RAPGEF6: variants seen among roughly 807,000 people sequenced by gnomAD.
RAPGEF6 encodes the protein PDZ domain containing guanine nucleotide exchange factor (GEF) 2.
A neutral mutation model predicts 171.4 loss-of-function variants in RAPGEF6; 56 were observed. The ratio of observed to expected loss-of-function variants is 0.33; its 90% CI spans 0.26 to 0.41. The LOEUF (loss-of-function observed/expected upper bound fraction) is 0.41. RAPGEF6 is among the 10% of genes least tolerant of loss of function. RAPGEF6 has a pLI of 1.00. For synonymous variants in RAPGEF6, 692 were observed against 650.1 expected (o/e 1.06, Z -0.98); for missense variants, 1,674 against 1,921.4 (o/e 0.87, Z 2.41).
At chr5:131,560,667 T>C (rs760117901) in intron 5 of RAPGEF6, among the ~76,000 whole-genome samples, 1 of 152,168 alleles carries the variant, frequency 6.6e-6, no homozygotes, top group Non-Finnish European at 1.5e-5. Flanking sequence ...ACATACTCCA[T>C]CCTTGAAAAA....
intron 1 of RAPGEF6, among the ~76,000 whole-genome samples, chr5:131,614,555 C>A (rs900517775): frequency 6.6e-6 from 1 of 152,278 alleles, no homozygotes; most frequent in Admixed American, 6.5e-5. Context: ...CTCACCATCA[C>A]GAGAACAGCA....
chr5:131,440,325 T>C (rs539536898), intron 23 of RAPGEF6: 3 of 437,976 alleles, frequency 6.8e-6, no homozygotes, highest in South Asian at 4.9e-5. Context: ...ATCATTACCC[T>C]TGTCCAATGT....
intron 7 of RAPGEF6, among the ~76,000 whole-genome samples, chr5:131,517,811 ACACACAC>A (rs1758198067): frequency 6.7e-6 from 1 of 149,010 alleles, no homozygotes; most frequent in Non-Finnish European, 1.5e-5. Context: ...ACACACACAC[ACACACAC>A]ACACAAAATT....
At chr5:131,579,362 G>C (rs146134844) in intron 4 of RAPGEF6, among the ~76,000 whole-genome samples, 1 of 152,228 alleles carries the variant, frequency 6.6e-6, no homozygotes, top group East Asian at 1.9e-4. Flanking sequence ...ACAGGAGCAG[G>C]TTGCCTGCTG....
chr5:131,432,881 G>A (rs1751794065), intron 25 of RAPGEF6, among the ~76,000 whole-genome samples: 1 of 152,042 alleles, frequency 6.6e-6, no homozygotes, highest in East Asian at 1.9e-4. Context: ...AAGTAGACCA[G>A]ATTTCACAAT....
At chr5:131,468,163 TA>T (rs530236661) in intron 17 of RAPGEF6, among the ~76,000 whole-genome samples, 2 of 146,140 alleles carry the variant, frequency 1.4e-5, no homozygotes, top group Admixed American at 6.9e-5. Flanking sequence ...CCATCTCTAC[TA>T]AAAAAAAATA....
At chr5:131,471,275 T>C (rs1315086409) in intron 17 of RAPGEF6, among the ~76,000 whole-genome samples, 1 of 152,096 alleles carries the variant, frequency 6.6e-6, no homozygotes, top group East Asian at 1.9e-4. Flanking sequence ...CCAGAACAGG[T>C]TACTGGGTTT....
chr5:131,495,035 C>T (rs1756539042), intron 13 of RAPGEF6, among the ~76,000 whole-genome samples: 1 of 152,162 alleles, frequency 6.6e-6, no homozygotes, highest in South Asian at 2.1e-4. Flanking sequence ...GCTCAGACGC[C>T]TGTAATCTCA....
At chr5:131,435,912 G>C in intron 24 of RAPGEF6, 1 of 1,491,856 alleles carries the variant, frequency 6.7e-7, no homozygotes, top group Non-Finnish European at 8.9e-7. Context: ...ATTAATAACT[G>C]AAAACAAACT....
intron 7 of RAPGEF6, among the ~76,000 whole-genome samples, chr5:131,517,819 ACAC>A (rs1414487151): frequency 4.4e-5 from 6 of 136,148 alleles, no homozygotes; most frequent in African/African-American, 7.8e-5. Flanking sequence ...ACACACACAC[ACAC>A]AAAATTTAGT....
intron 24 of RAPGEF6, among the ~76,000 whole-genome samples, chr5:131,434,954 T>C (rs923841172): frequency 1.3e-5 from 2 of 152,236 alleles, no homozygotes; most frequent in African/African-American, 4.8e-5. Flanking sequence ...AGTAGATATG[T>C]GACCTTTGGA....
intron 16 of RAPGEF6, among the ~76,000 whole-genome samples, chr5:131,473,488 T>C (rs544928098): frequency 1.3e-5 from 2 of 152,098 alleles, no homozygotes; most frequent in East Asian, 3.9e-4. Context: ...ACCCCCAAAT[T>C]TTAGCTTACT....
intron 21 of RAPGEF6, among the ~76,000 whole-genome samples, chr5:131,448,805 C>T (rs1318218876): frequency 1.3e-5 from 2 of 151,994 alleles, no homozygotes; most frequent in South Asian, 2.1e-4. Context: ...TCAAACACAC[C>T]CAATGCCCAC....
intron 21 of RAPGEF6, among the ~76,000 whole-genome samples, chr5:131,449,020 G>T (rs6596025): frequency 0.071 from 10,841 of 152,018 alleles, 807 homozygotes; most frequent in African/African-American, 0.19. Context: ...CACAAATGAG[G>T]CAAGACTCGA....
chr5:131,571,967 G>A (rs751053922), intron 4 of RAPGEF6, among the ~76,000 whole-genome samples: 2 of 152,110 alleles, frequency 1.3e-5, no homozygotes, highest in Non-Finnish European at 2.9e-5. Flanking sequence ...AATGTACTTT[G>A]TAATATCCAT....
intron 16 of RAPGEF6, among the ~76,000 whole-genome samples, chr5:131,477,930 C>T (rs1261701854): frequency 6.6e-6 from 1 of 152,104 alleles, no homozygotes; most frequent in Non-Finnish European, 1.5e-5. Flanking sequence ...CCAGTCATCC[C>T]CAACCATCCC....
intron 1 of RAPGEF6, among the ~76,000 whole-genome samples, chr5:131,613,832 G>C (rs1765094763): frequency 6.6e-6 from 1 of 151,994 alleles, no homozygotes; most frequent in African/African-American, 2.4e-5. Context: ...ATACAACAAA[G>C]GCAGGGGCAA....
rs917269191 is a variant in RAPGEF6, at chr5:131,498,684, G to A, written c.1255-77C>T. 5.1e-5 allele frequency: 65 copies of A among 1,286,668 alleles called. No homozygotes were observed. The Admixed American group carries it at 7.8e-4, about 15-fold the overall frequency. The allele number at this position is 1,286,668 out of a possible 1,614,324, so 79.7% of individuals were successfully genotyped here. The stretch of plus-strand genomic sequence containing the variant: ...CCAAAGAACTATTGTTGATTACTCC[G>A]CTTTGTAGCTACTCCATTAGACAAA... On this transcript the variant is annotated intron_variant, in intron 11 of 27. Transcript: ENST00000509018.
intron 23 of RAPGEF6, among the ~76,000 whole-genome samples, chr5:131,441,347 AATT>A (rs1207362863): frequency 6.6e-6 from 1 of 152,216 alleles, no homozygotes; most frequent in African/African-American, 2.4e-5. Context: ...TGTCAGCTTT[AATT>A]ATTATTGTCT....
Sources: gnomAD v4.1 joint callset for allele counts (sites outside exome capture counted in the v4.1 genomes callset) on GRCh38, gnomAD v4.1.1 for gene constraint, MANE v1.5 for transcripts, NCBI Gene and HGNC (gene_info 2026-07-23, HGNC 2026-07-21) for gene names.